Variants in KPNA7 observed in about 807,000 individuals in gnomAD.
The protein encoded by KPNA7 is importin subunit alpha-8.
KPNA7 carries 54 observed loss-of-function variants against 53.7 expected under a neutral mutation model. The ratio of observed to expected loss-of-function variants is 1.01; its 90% confidence interval spans 0.81 to 1.26. KPNA7 has a LOEUF of 1.26. Ranked by LOEUF, KPNA7 falls within the 50% of genes most tolerant of loss-of-function variation. The probability of loss-of-function intolerance (pLI) is 0.00; values close to 1 mark genes in which losing one functional copy is unlikely to be tolerated. For missense variants in KPNA7, 640 were observed against 644.5 expected, an observed-to-expected ratio of 0.99 and a Z score of 0.07; for synonymous variants, 276 against 259.3, an observed-to-expected ratio of 1.06 and a Z score of -0.62.
chr7:99,205,410 CAAAAAAAAAAAAAA>C (rs61410237), intron 2 of KPNA7, among the ~76,000 whole-genome samples: 33 of 109,792 alleles, frequency 3.0e-4, no homozygotes, highest in Admixed American at 9.4e-5. Context: ...GACTCCATCT[CAAAAAAAAAAAAAA>C]AAAAAAAAAA....
chr7:99,212,745 T>G (rs542637420), upstream of KPNA7, among the ~76,000 whole-genome samples: 1 of 151,546 alleles, frequency 6.6e-6, no homozygotes, highest in African/African-American at 2.4e-5. Context: ...ATTAAAAAAA[T>G]TAAAAATTAA....
At chr7:99,163,352 A>AGT in the KPNA7 span, among the ~76,000 whole-genome samples, 2,123 of 100,424 alleles carry the variant, frequency 0.021, 67 homozygotes, top group African/African-American at 0.032. Flanking sequence ...TATAAATATG[A>AGT]GTGTGTGTAT....
chr7:99,175,348 T>G (rs1009075610), intron 10 of KPNA7, among the ~76,000 whole-genome samples: 8 of 152,020 alleles, frequency 5.3e-5, no homozygotes, highest in African/African-American at 1.9e-4. Context: ...TGGCTAATTT[T>G]TGTATTTTTT....
chr7:99,218,166 ATTT>A (rs928541612), intron 1 of KPNA7, among the ~76,000 whole-genome samples: 2 of 151,940 alleles, frequency 1.3e-5, no homozygotes, highest in African/African-American at 4.8e-5. Flanking sequence ...CACCTGGCTA[ATTT>A]TTTTATTTTT....
At chr7:99,191,185 G>A (rs558621569) in intron 6 of KPNA7, among the ~76,000 whole-genome samples, 1 of 146,790 alleles carries the variant, frequency 6.8e-6, no homozygotes, top group East Asian at 2.0e-4. Flanking sequence ...TTGAGATGGA[G>A]TCTTGCTCTG....
intron 1 of KPNA7, among the ~76,000 whole-genome samples, chr7:99,214,891 C>T: frequency 6.6e-6 from 1 of 152,056 alleles, no homozygotes; most frequent in East Asian, 1.9e-4. Context: ...CTAGCTGCCA[C>T]CTTGTTGCTA....
At position 99,185,092 on chromosome 7, in the gene KPNA7, G is replaced by T; in HGVS notation, c.971C>A (p.Ala324Glu). ...TDEQTQMAID[A>E]GMLNVLPQLL... ...CTGGGGGAGCACGTTCAGCATACCC[G>T]CATCAATGGCCATCTGCGTCTGCTC... Residue 324 changes from alanine to glutamate, a missense_variant, in exon 8 of 11, where the codon GCG becomes GAG. Physicochemically the swap from Ala to Glu is moderately radical, Grantham distance 107. Transcript: ENST00000327442. The T allele has an allele frequency of 6.4e-7, 1 of 1,551,956 alleles. No homozygotes were observed. The highest frequency in any genetic ancestry group is 8.7e-7 in the Non-Finnish European group (1 of 1,147,058).
At chr7:99,176,224 G>C (rs1302692109) in intron 10 of KPNA7, among the ~76,000 whole-genome samples, 2 of 150,996 alleles carry the variant, frequency 1.3e-5, no homozygotes, top group African/African-American at 4.9e-5. Flanking sequence ...CGTGAACCCA[G>C]GAGGTGGAGG....
chr7:99,196,117 G>A lies in KPNA7; in HGVS notation c.251C>T (p.Pro84Leu). Residue 84 changes from proline (P) to leucine (L), a missense_variant, in exon 4 of 11, where the codon CCA becomes CTA. By Grantham distance (98) the Pro-to-Leu change is moderately conservative. Coordinates refer to ENST00000327442, the MANE Select transcript of KPNA7 (RefSeq NM_001145715.3). ...EIIKGVNSSD[P>L]VLCFQATQTA... ...CTGGGTGGCCTGGAAACATAGGACTGGATCTGAGCTATTCACACCTTTGAT... is the reference window on the plus strand; with the variant it reads ...CTGGGTGGCCTGGAAACATAGGACTAGATCTGAGCTATTCACACCTTTGAT... 6.4e-7 allele frequency: 1 copy of A among 1,551,840 alleles called. No individual in the cohort carries two copies. The highest frequency in any genetic ancestry group is 2.0e-5 in the Admixed American group (1 of 51,000).
chr7:99,185,535 C>T (rs1329555096), intron 7 of KPNA7, among the ~76,000 whole-genome samples: 1 of 151,772 alleles, frequency 6.6e-6, no homozygotes, highest in African/African-American at 2.4e-5. Context: ...TTTGTAGAGA[C>T]GGGGGTCTTG....
chr7:99,212,233 C>CTTTT (rs34555248), upstream of KPNA7, among the ~76,000 whole-genome samples: 1 of 47,156 alleles, frequency 2.1e-5, no homozygotes, highest in African/African-American at 7.8e-5. Context: ...CACATGTGTC[C>CTTTT]TTTTTTTTTT....
At chr7:99,146,986 A>T in the KPNA7 span, among the ~76,000 whole-genome samples, 1,700 of 152,312 alleles carry the variant, frequency 0.011, 31 homozygotes, top group African/African-American at 0.039. Context: ...TCGTAAGTCA[A>T]ACCGTCATAA....
chr7:99,187,825 A>ATT (rs1789695355), intron 7 of KPNA7, among the ~76,000 whole-genome samples: 1 of 144,010 alleles, frequency 6.9e-6, no homozygotes, highest in African/African-American at 2.6e-5. Context: ...AAAAAAAAAA[A>ATT]AAAAAAAAAA....
In KPNA7 at chr7:99,173,623, G is replaced by C. The variant is rs1798811238; in HGVS notation, c.*85C>G. On this transcript the variant is annotated 3_prime_UTR_variant, in exon 11 of 11. Coordinates refer to ENST00000327442, the MANE Select transcript of KPNA7 (RefSeq NM_001145715.3). ...TCAAGTTTTAAAAGCTTCACATTTG[G>C]GTTACACTAAGATAGAGGACTGCTG... is the stretch of plus-strand genomic sequence containing the variant. 1.4e-6 allele frequency: 1 copy of C among 739,254 alleles called. No homozygotes were observed. The highest frequency in any genetic ancestry group is 1.8e-5 in the African/African-American group (1 of 55,720). 45.8% of individuals were successfully genotyped at this position (739,254 alleles called of 1,614,324 possible). A position where few individuals can be genotyped will look rare whatever the true frequency, so the allele number is the denominator to read the frequency against.
intron 1 of KPNA7, among the ~76,000 whole-genome samples, chr7:99,214,077 C>G (rs1404642070): frequency 6.6e-6 from 1 of 152,108 alleles, no homozygotes; most frequent in Non-Finnish European, 1.5e-5. Context: ...TCAGATTTGA[C>G]TCCTGCGTCC....
intron 9 of KPNA7, among the ~76,000 whole-genome samples, chr7:99,181,239 C>CCG (rs1182242250): frequency 2.6e-5 from 4 of 151,984 alleles, no homozygotes; most frequent in African/African-American, 9.7e-5. Flanking sequence ...CTTTCTCTGT[C>CCG]TCTGTCTCTA....
At chr7:99,216,187 C>T (rs1378674024) in intron 1 of KPNA7, among the ~76,000 whole-genome samples, 2 of 151,890 alleles carry the variant, frequency 1.3e-5, no homozygotes, top group African/African-American at 4.8e-5. Flanking sequence ...ACCACCACAC[C>T]CAGCTAAGTT....
the KPNA7 span, among the ~76,000 whole-genome samples, chr7:99,163,301 GTAATA>G: frequency 7.5e-6 from 1 of 134,102 alleles, no homozygotes; most frequent in African/African-American, 2.8e-5. Context: ...TATTAAATTT[GTAATA>G]TATTTATATA....
intron 9 of KPNA7, among the ~76,000 whole-genome samples, chr7:99,178,397 C>T (rs922379635): frequency 6.6e-6 from 1 of 151,922 alleles, no homozygotes; most frequent in Admixed American, 6.6e-5. Context: ...GGTGAAACCT[C>T]GTCTCTACTA....
Sources: gnomAD v4.1 joint callset for allele counts (sites outside exome capture counted in the v4.1 genomes callset) on GRCh38, gnomAD v4.1.1 for gene constraint, MANE v1.5 for transcripts, NCBI Gene and HGNC (gene_info 2026-07-23, HGNC 2026-07-21) for gene names.